Variants in ZDHHC14 observed in about 807,000 individuals in gnomAD.
The protein encoded by ZDHHC14 is palmitoyltransferase ZDHHC14.
Under a neutral mutation model 47.7 loss-of-function variants are expected in ZDHHC14, and 16 were observed. The ratio of observed to expected loss-of-function variants is 0.34; its 90% confidence interval spans 0.23 to 0.51. The LOEUF is 0.51. ZDHHC14 is among the 20% of genes least tolerant of loss of function. ZDHHC14 has a pLI of 0.97. For synonymous variants in ZDHHC14, 293 were observed against 278.9 expected, an observed-to-expected ratio of 1.05 and a Z score of -0.50; for missense variants, 515 against 662.5, an observed-to-expected ratio of 0.78 and a Z score of 2.44.
intron 1 of ZDHHC14, among the ~76,000 whole-genome samples, chr6:157,399,950 C>G (rs534093175): frequency 6.6e-6 from 1 of 152,206 alleles, no homozygotes; most frequent in African/African-American, 2.4e-5. Context: ...ACCATCAGGG[C>G]TGGATTAAAA....
Position 157,632,822 on chromosome 6 carries a change from T to C in ZDHHC14, c.704-12T>C. The C allele has an allele frequency of 6.2e-7, 1 of 1,614,152 alleles. No individual in the cohort carries two copies. Among genetic ancestry groups the C allele is most frequent in the Non-Finnish European group, 8.5e-7 (1 of 1,179,958 alleles). On this transcript the variant is annotated splice_polypyrimidine_tract_variant and intron_variant, in intron 4 of 8. Transcript: ENST00000359775. ...TCTATCTGAATACTAAATGTTGGTT[T>C]CATTCCCACAGGTTCACAGCAAACA...
intron 2 of ZDHHC14, among the ~76,000 whole-genome samples, chr6:157,559,775 G>C (rs1015624260): frequency 1.6e-4 from 24 of 152,314 alleles, no homozygotes; most frequent in African/African-American, 5.5e-4. Flanking sequence ...GAAACGTCTG[G>C]ATTTACAGAG....
chr6:157,471,013 TG>T (rs1048352933), intron 1 of ZDHHC14, among the ~76,000 whole-genome samples: 1 of 152,112 alleles, frequency 6.6e-6, no homozygotes, highest in Non-Finnish European at 1.5e-5. Flanking sequence ...TAGTTAGTGG[TG>T]GGTTACCAGG....
intron 1 of ZDHHC14, among the ~76,000 whole-genome samples, chr6:157,473,823 G>A (rs1006893234): frequency 6.6e-6 from 1 of 151,994 alleles, no homozygotes; most frequent in Non-Finnish European, 1.5e-5. Flanking sequence ...TGTAAGGTGT[G>A]TATGAAACAT....
chr6:157,598,148 G>C (rs1784205055), intron 3 of ZDHHC14, among the ~76,000 whole-genome samples: 1 of 152,220 alleles, frequency 6.6e-6, no homozygotes, highest in Non-Finnish European at 1.5e-5. Flanking sequence ...GCTGTGCGCT[G>C]CCCTCAGGAA....
intron 1 of ZDHHC14, among the ~76,000 whole-genome samples, chr6:157,481,380 G>T (rs188860203): frequency 1.7e-3 from 264 of 152,250 alleles, no homozygotes; most frequent in Non-Finnish European, 2.6e-3. Context: ...AATCATTTCC[G>T]CATGTGATGC....
At chr6:157,619,980 C>G (rs1785122503) in intron 3 of ZDHHC14, among the ~76,000 whole-genome samples, 1 of 152,118 alleles carries the variant, frequency 6.6e-6, no homozygotes, top group Non-Finnish European at 1.5e-5. Flanking sequence ...TTTCTTCATA[C>G]AATTAAGCAG....
At chr6:157,626,542 C>G (rs1411692627) in intron 3 of ZDHHC14, among the ~76,000 whole-genome samples, 1 of 152,126 alleles carries the variant, frequency 6.6e-6, no homozygotes, top group Non-Finnish European at 1.5e-5. Flanking sequence ...AGGTTCACAG[C>G]AAAATTGAGA....
At chr6:157,393,798 C>T (rs964674014) in intron 1 of ZDHHC14, among the ~76,000 whole-genome samples, 1 of 152,178 alleles carries the variant, frequency 6.6e-6, no homozygotes, top group Non-Finnish European at 1.5e-5. Context: ...TATTCTCCTG[C>T]ATCTTGTATC....
intron 1 of ZDHHC14, among the ~76,000 whole-genome samples, chr6:157,537,806 C>T (rs1781595334): frequency 6.6e-6 from 1 of 152,184 alleles, no homozygotes; most frequent in South Asian, 2.1e-4. Flanking sequence ...ATTTTCAAGT[C>T]ATCTGAGCTC....
intron 3 of ZDHHC14, among the ~76,000 whole-genome samples, chr6:157,623,458 G>A (rs1273867120): frequency 6.6e-6 from 1 of 151,242 alleles, no homozygotes; most frequent in African/African-American, 2.4e-5. Context: ...GCAGAACTGT[G>A]AATCGATTAA....
chr6:157,592,437 G>A (rs1783945195), intron 2 of ZDHHC14, among the ~76,000 whole-genome samples: 1 of 152,194 alleles, frequency 6.6e-6, no homozygotes, highest in South Asian at 2.1e-4. Context: ...AATGGGCAAA[G>A]TGAAGGGACC....
chr6:157,631,315 G>C (rs1785728053), intron 4 of ZDHHC14: 1 of 152,190 alleles, frequency 6.6e-6, no homozygotes. Flanking sequence ...CTTAAATACT[G>C]TTCATCTCTT....
chr6:157,398,563 AT>A (rs1191043852), intron 1 of ZDHHC14, among the ~76,000 whole-genome samples: 13 of 152,164 alleles, frequency 8.5e-5, no homozygotes, highest in African/African-American at 3.1e-4. Context: ...TCCAAAGAAG[AT>A]TTTAAAGTAC....
At chr6:157,458,811 A>G (rs1453422187) in intron 1 of ZDHHC14, among the ~76,000 whole-genome samples, 1 of 151,094 alleles carries the variant, frequency 6.6e-6, no homozygotes, top group Non-Finnish European at 1.5e-5. Context: ...CTCAATAACC[A>G]AAAGATGTAA....
chr6:157,596,059 T>C (rs1784116381), intron 3 of ZDHHC14, among the ~76,000 whole-genome samples: 1 of 152,160 alleles, frequency 6.6e-6, no homozygotes, highest in Non-Finnish European at 1.5e-5. Flanking sequence ...ATGAGTGATC[T>C]AAAATAAAGC....
intron 4 of ZDHHC14, chr6:157,632,554 T>G: frequency 6.6e-6 from 3 of 457,606 alleles, no homozygotes; most frequent in South Asian, 7.1e-5. Flanking sequence ...AACAAAGGAG[T>G]CATCAGAACT....
intron 7 of ZDHHC14, 56 bp downstream of exon 7, chr6:157,647,424 G>C (rs560885199): frequency 1.2e-5 from 18 of 1,440,254 alleles, no homozygotes; most frequent in Admixed American, 1.1e-4. Flanking sequence ...CGAATGCCTC[G>C]GCCGTTAGCA....
At chr6:157,600,964 C>T (rs138398875) in intron 3 of ZDHHC14, among the ~76,000 whole-genome samples, 73 of 152,302 alleles carry the variant, frequency 4.8e-4, no homozygotes, top group African/African-American at 1.4e-3. Context: ...GGAGAGATGC[C>T]GCGCAGGAGG....
Sources: gnomAD v4.1 joint callset for allele counts (sites outside exome capture counted in the v4.1 genomes callset) on GRCh38, gnomAD v4.1.1 for gene constraint, MANE v1.5 for transcripts, NCBI Gene and HGNC (gene_info 2026-07-23, HGNC 2026-07-21) for gene names.